Variants in RNF213 observed in about 807,000 individuals in gnomAD.
RNF213 encodes the protein E3 ubiquitin-protein ligase RNF213.
Under a neutral mutation model 514.4 loss-of-function variants are expected in RNF213, and 341 were observed. The observed-to-expected ratio is 0.66, with a 90% CI of 0.61 to 0.73. RNF213 has a LOEUF of 0.73. Among genes scored for constraint, RNF213 ranks in the 30% least tolerant of loss-of-function variants. The probability of loss-of-function intolerance (pLI) is 0.00; values close to 1 mark genes in which losing one functional copy is unlikely to be tolerated. For synonymous variants in RNF213, 2,655 were observed against 2,658.2 expected (o/e 1.00, Z 0.04); for missense variants, 5,767 against 6,615.6 (o/e 0.87, Z 4.45).
At chr17:80,380,731 T>A (rs1269243081) in intron 55 of RNF213, 100 bp from the exon 56 acceptor site, 1 of 1,363,934 alleles carries the variant, frequency 7.3e-7, no homozygotes, top group African/African-American at 1.4e-5. Context: ...TTCACATAAC[T>A]CTCTTCTCAG....
chr17:80,386,101 ACT>A (rs2080224776), intron 61 of RNF213, 147 bp from the exon 62 acceptor site: 13 of 713,368 alleles, frequency 1.8e-5, no homozygotes, highest in Admixed American at 6.9e-5. Context: ...AGCATTTGAA[ACT>A]CTATCAGCAT....
chr17:80,389,077 T>C (rs765379293), intron 64 of RNF213, 96 bp from the exon 65 acceptor site: 7 of 1,199,456 alleles, frequency 5.8e-6, no homozygotes, highest in Admixed American at 5.1e-5. Context: ...CCCCCGCATG[T>C]GGCTTGGGCA....
At chr17:80,342,429 A>G (rs2078179374) in intron 26 of RNF213, among the ~76,000 whole-genome samples, 1 of 152,152 alleles carries the variant, frequency 6.6e-6, no homozygotes, top group African/African-American at 2.4e-5. Flanking sequence ...GTATTCTTGA[A>G]TCTGATGTTA....
rs1266152804 is a variant in RNF213, at chr17:80,288,073, C to G, written c.520C>G (p.Leu174Val). 1 of 1,608,998 alleles carries G rather than the reference C, an allele frequency of 6.2e-7. No individual in the cohort carries two copies. The highest frequency in any genetic ancestry group is 1.1e-5 in the South Asian group (1 of 90,824). The change falls in exon 4 of 68, where the codon CTG (leucine) becomes GTG (valine). Residue 174 changes from leucine to valine, a missense_variant. Leu to Val is a conservative substitution (Grantham distance 32). Coordinates refer to ENST00000582970, the MANE Select transcript of RNF213 (RefSeq NM_001256071.3). This position sits in a 1 kb window ranked among gnomAD's most constrained non-coding sequence, Gnocchi z 4.9. ...GCCCACCGAGGTTGGCGACAGCCCC[C>G]TGCAGGCCCAGGCTTTGGGAGAGGC... ...SAPTEVGDSP[L>V]QAQALGEAGV...
chr17:80,393,761 G>C lies in RNF213; in HGVS notation c.*263G>C, dbSNP rs1018830139. Reference sequence around the variant, plus strand: ...CATTGAGAGATGACAATGAAGATTAGATGAAATTGGAAATAAACCAACATT... The same window carrying C: ...CATTGAGAGATGACAATGAAGATTACATGAAATTGGAAATAAACCAACATT... On this transcript the variant is annotated 3_prime_UTR_variant, in exon 68 of 68. Coordinates refer to ENST00000582970, the MANE Select transcript of RNF213 (RefSeq NM_001256071.3). The C allele has an allele frequency of 2.2e-6, 1 of 450,424 alleles. No individual in the cohort carries two copies. The highest frequency in any genetic ancestry group is 4.1e-6 in the Non-Finnish European group (1 of 243,168). 27.9% of individuals were successfully genotyped at this position (450,424 alleles called of 1,614,324 possible).
chr17:80,273,136 G>T, intron 2 of RNF213, 105 bp from the exon 3 acceptor site: 1 of 1,471,656 alleles, frequency 6.8e-7, no homozygotes, highest in Non-Finnish European at 9.5e-7. Flanking sequence ...CTCGGAGGGA[G>T]AACAGGGTGA....
rs536688968 is a variant in RNF213, at chr17:80,278,281, C to T, written c.261+4877C>T. 1.1e-4 allele frequency among the ~76,000 whole-genome samples: 16 copies of T among 152,332 alleles called. No individual in the cohort carries two copies. In the East Asian group the frequency reaches 1.4e-3, roughly 13 times the overall value. On this transcript the variant is annotated intron_variant, in intron 3 of 67. Transcript: ENST00000582970. Reference sequence around the variant, plus strand: ...AAGGGAGGTGTCGGATGAGCATGCCCGCTACAGGGCCAGACTGCCCGCCTC... The same window carrying T: ...AAGGGAGGTGTCGGATGAGCATGCCTGCTACAGGGCCAGACTGCCCGCCTC...
chr17:80,374,364 G>T lies in RNF213; in HGVS notation c.12943-94G>T, dbSNP rs1047399085. On this transcript the variant is annotated intron_variant, in intron 49 of 67. Coordinates refer to ENST00000582970, the MANE Select transcript of RNF213 (RefSeq NM_001256071.3). ...CCCAGCTTGGCTGCCTTTAAACCTC[G>T]AATGATCAACCACCTGGTTCCTGTA... 5 of 1,557,780 alleles carry T rather than the reference G, an allele frequency of 3.2e-6. No homozygotes were observed. In the Admixed American group the frequency reaches 6.7e-5, roughly 21 times the overall value.
intron 29 of RNF213, 149 bp from the exon 30 acceptor site, chr17:80,349,621 A>C: frequency 2.1e-6 from 2 of 951,266 alleles, no homozygotes; most frequent in Non-Finnish European, 3.4e-6. Context: ...GTGTTTTGGG[A>C]AACTCCTTTG....
At chr17:80,364,814 C>T (rs767739924) in intron 42 of RNF213, 14 of 466,670 alleles carry the variant, frequency 3.0e-5, no homozygotes, top group African/African-American at 7.9e-5. Context: ...AAGGGGCTGA[C>T]GCAGGGAACA....
At chr17:80,291,527 C>A in intron 7 of RNF213, 101 bp from the exon 8 acceptor site, 1 of 1,214,066 alleles carries the variant, frequency 8.2e-7, no homozygotes, top group Non-Finnish European at 1.2e-6. Flanking sequence ...CCAGCCTTGC[C>A]ACATCAACTT....
intron 1 of RNF213, among the ~76,000 whole-genome samples, chr17:80,262,508 CACTCCT>C (rs1201683402): frequency 1.3e-5 from 2 of 152,256 alleles, no homozygotes; most frequent in East Asian, 3.9e-4. Flanking sequence ...AGGCCGCAGG[CACTCCT>C]CTTGTGTGTC....
chr17:80,306,716 G>C (rs2045372416), intron 12 of RNF213, among the ~76,000 whole-genome samples: 1 of 152,046 alleles, frequency 6.6e-6, no homozygotes, highest in Admixed American at 6.6e-5. Flanking sequence ...GCTGGGCGTG[G>C]TGGTGGGTAC....
At chr17:80,333,244 C>G (rs2046467572) in intron 21 of RNF213, among the ~76,000 whole-genome samples, 2 of 147,756 alleles carry the variant, frequency 1.4e-5, no homozygotes, top group Admixed American at 1.3e-4. Context: ...TTTTTTTTAG[C>G]AGAGACAGGG....
chr17:80,386,949 C>T, intron 63 of RNF213, 58 bp downstream of exon 63: 1 of 1,508,202 alleles, frequency 6.6e-7, no homozygotes, highest in Admixed American at 1.9e-5. Flanking sequence ...AACAAGCAGC[C>T]CTTGGTGTGT....
In RNF213 at chr17:80,319,255, C is replaced by T. The variant is rs1330397193; in HGVS notation, c.2967C>T (p.Asp989=). Residue 989 remains aspartate, a synonymous_variant, in exon 17 of 68, where the codon GAC becomes GAT. Coordinates refer to ENST00000582970, the MANE Select transcript of RNF213 (RefSeq NM_001256071.3). ...GCTGGGACACCAAAGGCTTAGAGGA[C>T]AGTGTGGCCAAGACCTTCGAGAAAT... The part of the protein sequence containing the change: ...NSCWDTKGLE[D]SVAKTFEKCI... The T allele has an allele frequency of 6.8e-6, 11 of 1,614,088 alleles. No individual in the cohort carries two copies. The highest frequency in any genetic ancestry group is 1.3e-5 in the African/African-American group (1 of 74,920).
rs758263535 is a variant in RNF213 at position 80,273,386 on chromosome 17, C to T, written c.243C>T (p.Ala81=). Residue 81 remains alanine, a synonymous_variant, in exon 3 of 68, where the codon GCC becomes GCT. Transcript: ENST00000582970. ...ACCCCGAGGAGCCCTGTTCCAAAGCCTCCTGGACCGTCCAAGAAGTGAGTG... is the reference window on the plus strand; with the variant it reads ...ACCCCGAGGAGCCCTGTTCCAAAGCTTCCTGGACCGTCCAAGAAGTGAGTG... ...QENPEEPCSK[A]SWTVQESKKK... 1 of 1,612,942 alleles carries T rather than the reference C, an allele frequency of 6.2e-7. No individual in the cohort carries two copies. The highest frequency in any genetic ancestry group is 1.7e-5 in the Admixed American group (1 of 60,004).
chr17:80,337,856 C>T lies in RNF213; in HGVS notation c.4692C>T (p.His1564=). The change falls in exon 25 of 68, where the codon CAC becomes CAT. Residue 1564 remains histidine, a synonymous_variant. Coordinates refer to ENST00000582970, the MANE Select transcript of RNF213 (RefSeq NM_001256071.3). The part of the protein sequence containing the change: ...GQKISPDTVL[H]LILPESPGSH... ...AGATTTCCCCAGACACGGTTCTGCA[C>T]TTGATCCTTCCTGAGAGCCCTGGCA... The T allele has an allele frequency of 6.5e-7, 1 of 1,537,310 alleles. No homozygotes were observed. The highest frequency in any genetic ancestry group is 8.7e-7 in the Non-Finnish European group (1 of 1,146,912).
chr17:80,361,872 C>T lies in RNF213; in HGVS notation c.11339C>T (p.Thr3780Met), dbSNP rs374075886. The T allele has an allele frequency of 7.1e-5, 115 of 1,612,898 alleles. 1 individual carries two copies. The South Asian group carries it at 7.5e-4, about 10-fold the overall frequency. Reference protein sequence around the residue: ...DFILLTMRVSTEEELKFLQMA... With the variant: ...DFILLTMRVSMEEELKFLQMA... ...ATTCTCTTGACCATGCGTGTGTCAA[C>T]GGAGGAGGAATTAAAGGTAGATGTT... Residue 3780 changes from threonine (T) to methionine (M), a missense_variant, in exon 39 of 68, where the codon ACG (threonine) becomes ATG (methionine). Thr to Met is a moderately conservative substitution (Grantham distance 81). Around this residue, in one of 13 missense-constraint regions of RNF213, gnomAD observed 355 missense variants for 358.0 expected, o/e 0.99. Transcript: ENST00000582970.
Sources: gnomAD v4.1 joint callset for allele counts (sites outside exome capture counted in the v4.1 genomes callset) on GRCh38, gnomAD v4.1.1 for gene constraint, gnomAD v4.1.1 regional missense constraint, Gnocchi (gnomAD v3.1) non-coding constraint, MANE v1.5 for transcripts, NCBI Gene and HGNC (gene_info 2026-07-23, HGNC 2026-07-21) for gene names.